Variants in PJA2 observed in about 807,000 individuals in gnomAD.
PJA2 encodes E3 ubiquitin-protein ligase Praja-2.
In PJA2, 25 loss-of-function variants were observed where a neutral mutation model predicts 69.3. The observed-to-expected ratio is 0.36, with a 90% CI of 0.26 to 0.50. The LOEUF is 0.50. PJA2 is among the 20% of genes least tolerant of loss of function. The probability of loss-of-function intolerance (pLI) is 0.96; values close to 1 mark genes in which losing one functional copy is unlikely to be tolerated. For synonymous variants in PJA2, 308 were observed against 277.8 expected (o/e 1.11, Z -1.08); for missense variants, 809 against 830.2 (o/e 0.97, Z 0.31).
At chr5:109,345,293 T>A in intron 7 of PJA2, among the ~76,000 whole-genome samples, 1 of 146,632 alleles carries the variant, frequency 6.8e-6, no homozygotes, top group East Asian at 2.0e-4. Context: ...GAGGTAGAGG[T>A]TGTAATGAGC....
chr5:109,397,538 A>G (rs1259640904), intron 1 of PJA2, among the ~76,000 whole-genome samples: 2 of 151,438 alleles, frequency 1.3e-5, no homozygotes, highest in Non-Finnish European at 2.9e-5. Flanking sequence ...TTATTTTTTG[A>G]GACGGAGTCT....
intron 5 of PJA2, among the ~76,000 whole-genome samples, chr5:109,363,822 G>C (rs1384599452): frequency 6.6e-6 from 1 of 152,044 alleles, no homozygotes; most frequent in Non-Finnish European, 1.5e-5. Flanking sequence ...AAATAAGGAG[G>C]AGATAAAGGA....
intron 3 of PJA2, among the ~76,000 whole-genome samples, 180 bp downstream of exon 3, chr5:109,381,323 A>G (rs2288532): frequency 0.18 from 27,161 of 152,086 alleles, 3,742 homozygotes; most frequent in African/African-American, 0.37. Flanking sequence ...TTCTTCTACA[A>G]TGTTTAAATA....
At chr5:109,363,534 C>T (rs1250633587) in intron 5 of PJA2, among the ~76,000 whole-genome samples, 1 of 152,176 alleles carries the variant, frequency 6.6e-6, no homozygotes, top group Non-Finnish European at 1.5e-5. Context: ...ACCTTGGGGC[C>T]ACTTCCTCTA....
At chr5:109,359,654 T>C (rs1362612571) in intron 6 of PJA2, among the ~76,000 whole-genome samples, 1 of 152,098 alleles carries the variant, frequency 6.6e-6, no homozygotes, top group African/African-American at 2.4e-5. Context: ...GTCAGGGTTA[T>C]GAAAAACAAA....
Position 109,400,628 on chromosome 5 carries a change from A to T in PJA2, c.-88+9214T>A, listed in dbSNP as rs978099925. Among the ~76,000 whole-genome samples the T allele has an allele frequency of 2.6e-5, 4 of 152,308 alleles. No individual in the cohort carries two copies. In the South Asian group the frequency reaches 6.2e-4, roughly 24 times the overall value. On this transcript the variant is annotated intron_variant, in intron 1 of 9. Coordinates refer to ENST00000361189, the MANE Select transcript of PJA2 (RefSeq NM_014819.5). ...CCCCTACAAAAGCAGTATAAATACAAAACACACAAAAATGTACACATATCC... is the reference window on the plus strand; with the variant it reads ...CCCCTACAAAAGCAGTATAAATACATAACACACAAAAATGTACACATATCC...
At chr5:109,357,066 T>C (rs1762425108) in intron 6 of PJA2, among the ~76,000 whole-genome samples, 1 of 152,208 alleles carries the variant, frequency 6.6e-6, no homozygotes, top group Non-Finnish European at 1.5e-5. Context: ...GCCCATTTTC[T>C]TCAATTATCC....
chr5:109,366,934 C>A (rs1234399503), intron 5 of PJA2, among the ~76,000 whole-genome samples: 1 of 152,064 alleles, frequency 6.6e-6, no homozygotes, highest in East Asian at 1.9e-4. Flanking sequence ...GAGTTCAAGA[C>A]CAACCTGGCT....
Position 109,378,796 on chromosome 5 carries a change from C to T in PJA2, c.691G>A (p.Glu231Lys), listed in dbSNP as rs1427857862. 1 of 1,612,904 alleles carries T rather than the reference C, an allele frequency of 6.2e-7. No individual in the cohort carries two copies. The highest frequency in any genetic ancestry group is 8.5e-7 in the Non-Finnish European group (1 of 1,180,018). The change falls in exon 4 of 10, where the codon GAA (glutamate) becomes AAA (lysine). Residue 231 changes from glutamate to lysine, a missense_variant. Glu to Lys is a moderately conservative substitution (Grantham distance 56). Around this residue, in one of 4 missense-constraint regions of PJA2, gnomAD observed 700 missense variants for 639.5 expected, o/e 1.09. Transcript: ENST00000361189. The stretch of plus-strand genomic sequence containing the variant: ...ACTAATGGTACAGAATCTAACTCTT[C>T]AAACTCATCTCTTACTTCACAGTTA... The part of the protein sequence containing the change: ...SFNCEVRDEF[E>K]ELDSVPLVKS...
chr5:109,351,328 T>C (rs745998256), intron 7 of PJA2, among the ~76,000 whole-genome samples: 1 of 152,120 alleles, frequency 6.6e-6, no homozygotes, highest in Non-Finnish European at 1.5e-5. Flanking sequence ...ATTCCGGTAA[T>C]AAATAAAATT....
chr5:109,375,445 T>C (rs1197128948), intron 4 of PJA2, among the ~76,000 whole-genome samples: 1 of 151,832 alleles, frequency 6.6e-6, no homozygotes, highest in African/African-American at 2.4e-5. Flanking sequence ...GAGGCAGAGG[T>C]TGCAGCGAGC....
chr5:109,368,002 G>T (rs1762614580), intron 5 of PJA2, among the ~76,000 whole-genome samples: 1 of 152,182 alleles, frequency 6.6e-6, no homozygotes, highest in African/African-American at 2.4e-5. Flanking sequence ...GTGAGTAGCT[G>T]CAACAAAGAC....
intron 7 of PJA2, among the ~76,000 whole-genome samples, chr5:109,345,535 C>T (rs974258331): frequency 1.8e-5 from 2 of 109,322 alleles, no homozygotes; most frequent in East Asian, 4.3e-4. Flanking sequence ...AAAAAAAAAA[C>T]TACCTTGTCT....
chr5:109,408,571 C>T lies in PJA2; in HGVS notation c.-88+1271G>A, dbSNP rs77906177. Among the ~76,000 whole-genome samples, 223 of 152,010 alleles carry T rather than the reference C, an allele frequency of 1.5e-3. 5 individuals are homozygous for T. The East Asian group carries it at 0.035, about 24-fold the overall frequency. ...AAACTTTACGTGTACTTGTATGTGT[C>T]TAGAAGTGCATTTGCAAGATTTTGA... On this transcript the variant is annotated intron_variant, in intron 1 of 9. Transcript: ENST00000361189.
At chr5:109,406,589 A>T (rs1747698080) in intron 1 of PJA2, among the ~76,000 whole-genome samples, 1 of 152,226 alleles carries the variant, frequency 6.6e-6, no homozygotes, top group South Asian at 2.1e-4. Context: ...GTAAAATGTG[A>T]CAACCACTCT....
At chr5:109,401,768 C>T (rs1747557461) in intron 1 of PJA2, among the ~76,000 whole-genome samples, 1 of 152,102 alleles carries the variant, frequency 6.6e-6, no homozygotes, top group Non-Finnish European at 1.5e-5. Context: ...AGAATAAGCA[C>T]TGGAAAAGAG....
chr5:109,345,649 AT>A (rs1160472667), intron 7 of PJA2, among the ~76,000 whole-genome samples: 1 of 152,164 alleles, frequency 6.6e-6, no homozygotes, highest in African/African-American at 2.4e-5. Context: ...AATAATAAAC[AT>A]TTTGGAAAGG....
chr5:109,371,114 G>C (rs1393637642), intron 4 of PJA2, among the ~76,000 whole-genome samples: 2 of 152,024 alleles, frequency 1.3e-5, no homozygotes, highest in Non-Finnish European at 2.9e-5. Context: ...TTGCCTCTTA[G>C]TCACCAAAGC....
chr5:109,341,198 C>T (rs959841665), intron 9 of PJA2, among the ~76,000 whole-genome samples: 2 of 132,780 alleles, frequency 1.5e-5, no homozygotes, highest in Non-Finnish European at 3.3e-5. Context: ...AAGTGAGGAG[C>T]GCCTCTTCCC....
Sources: allele counts gnomAD v4.1 joint callset (sites outside exome capture counted in the v4.1 genomes callset), GRCh38; gene constraint gnomAD v4.1.1; regional missense constraint gnomAD v4.1.1; transcripts MANE v1.5; gene names NCBI Gene and HGNC (gene_info 2026-07-23, HGNC 2026-07-21).